The following CDH12 variants were observed in gnomAD, a reference collection of about 807,000 sequenced individuals.
CDH12 encodes cadherin-12.
Under a neutral mutation model 74.1 loss-of-function variants are expected in CDH12, and 41 were observed. The observed-to-expected ratio is 0.55, with a 90% confidence interval of 0.43 to 0.72. CDH12 has a LOEUF of 0.72. Among genes scored for constraint, CDH12 ranks in the 30% least tolerant of loss-of-function variants. The probability of loss-of-function intolerance (pLI) is 0.00; values close to 1 mark genes in which losing one functional copy is unlikely to be tolerated. For missense variants in CDH12, 945 were observed against 977.2 expected (o/e 0.97, Z 0.44); for synonymous variants, 399 against 355.0 (o/e 1.12, Z -1.39).
chr5:21,762,942 AT>A (rs757592323), intron 12 of CDH12, among the ~76,000 whole-genome samples: 5 of 150,088 alleles, frequency 3.3e-5, no homozygotes, highest in Non-Finnish European at 1.5e-5. Context: ...AACTTGAGGA[AT>A]TTTGGTAAAC....
At chr5:21,940,745 G>T (rs1336854716) in intron 6 of CDH12, among the ~76,000 whole-genome samples, 4 of 151,990 alleles carry the variant, frequency 2.6e-5, no homozygotes, top group Non-Finnish European at 5.9e-5. Context: ...GCTTCATGTA[G>T]TTAAACTTGT....
chr5:22,142,336 T>C, intron 4 of CDH12: 1 of 386,432 alleles, frequency 2.6e-6, no homozygotes, highest in Non-Finnish European at 4.8e-6. Flanking sequence ...CCTCATTGTC[T>C]AGGGAGGAAC....
intron 3 of CDH12, among the ~76,000 whole-genome samples, chr5:22,288,599 G>A (rs546945153): frequency 6.6e-5 from 10 of 152,254 alleles, no homozygotes; most frequent in Middle Eastern, 6.8e-3. Flanking sequence ...TAATCTATGT[G>A]AGCTGCCTTT....
rs1416533835 is a variant in CDH12 at position 22,675,426 on chromosome 5, G to T, written c.-522-170062C>A. Reference sequence around the variant, plus strand: ...TGTATGGAAATGCCTGAATGCCCAAGAAGACATTTGCTGCAGGGCTGGGGC... The same window carrying T: ...TGTATGGAAATGCCTGAATGCCCAATAAGACATTTGCTGCAGGGCTGGGGC... On this transcript the variant is annotated intron_variant, in intron 1 of 14. Coordinates refer to ENST00000382254, the MANE Select transcript of CDH12 (RefSeq NM_004061.5). Among the ~76,000 whole-genome samples the T allele has an allele frequency of 2.6e-5, 4 of 152,198 alleles. No individual in the cohort carries two copies. In the East Asian group the frequency reaches 7.7e-4, roughly 29 times the overall value.
intron 1 of CDH12, among the ~76,000 whole-genome samples, chr5:22,665,211 C>T (rs1740551083): frequency 6.6e-6 from 1 of 152,120 alleles, no homozygotes; most frequent in South Asian, 2.1e-4. Flanking sequence ...TTCCCATCAC[C>T]ATCTTCTACC....
intron 2 of CDH12, among the ~76,000 whole-genome samples, chr5:22,504,879 G>A (rs1036184758): frequency 9.2e-5 from 14 of 151,808 alleles, no homozygotes; most frequent in African/African-American, 2.2e-4. Context: ...AATAATACCC[G>A]CTAATTATGA....
At chr5:22,228,734 T>A (rs980255895) in intron 3 of CDH12, among the ~76,000 whole-genome samples, 10 of 151,974 alleles carry the variant, frequency 6.6e-5, no homozygotes, top group African/African-American at 2.4e-4. Context: ...AAAGCATAAA[T>A]CCCTTAATCA....
rs150636727 is a variant in CDH12 at position 22,065,372 on chromosome 5, C to A, written c.231+13074G>T. On this transcript the variant is annotated intron_variant, in intron 5 of 14. Coordinates refer to ENST00000382254, the MANE Select transcript of CDH12 (RefSeq NM_004061.5). The stretch of plus-strand genomic sequence containing the variant: ...CAGAAGAAACACAAAGTTAGATTGG[C>A]GGAATTTATTGGTAGGGCTCAATAA... Among the ~76,000 whole-genome samples, 16 of 152,164 alleles carry A rather than the reference C, an allele frequency of 1.1e-4. No individual in the cohort carries two copies. In the East Asian group the frequency reaches 3.1e-3, roughly 29 times the overall value.
chr5:22,643,428 G>A (rs1462786982), intron 1 of CDH12, among the ~76,000 whole-genome samples: 1 of 152,026 alleles, frequency 6.6e-6, no homozygotes, highest in Admixed American at 6.6e-5. Flanking sequence ...CTCATATGAA[G>A]GGAAAATAGA....
chr5:22,345,150 T>A (rs1004444914), intron 3 of CDH12, among the ~76,000 whole-genome samples: 6 of 152,214 alleles, frequency 3.9e-5, no homozygotes, highest in Admixed American at 3.3e-4. Context: ...GGTGTTCCTA[T>A]TCTGACAATT....
At chr5:22,290,659 C>G (rs1737345505) in intron 3 of CDH12, among the ~76,000 whole-genome samples, 1 of 151,888 alleles carries the variant, frequency 6.6e-6, no homozygotes, top group Admixed American at 6.6e-5. Context: ...TGGGACAGCA[C>G]CAAAAGAGCA....
intron 3 of CDH12, among the ~76,000 whole-genome samples, chr5:22,241,131 T>C (rs1025801110): frequency 1.3e-5 from 2 of 152,150 alleles, no homozygotes; most frequent in East Asian, 3.9e-4. Context: ...TTTCTTATTA[T>C]AGGCTGTGAT....
intron 1 of CDH12, among the ~76,000 whole-genome samples, chr5:22,560,498 C>T (rs1738995502): frequency 6.6e-6 from 1 of 151,964 alleles, no homozygotes; most frequent in Admixed American, 6.6e-5. Context: ...ACAGTTTTCT[C>T]CTACTCACCA....
At chr5:22,704,609 G>T (rs1454090199) in intron 1 of CDH12, among the ~76,000 whole-genome samples, 1 of 152,034 alleles carries the variant, frequency 6.6e-6, no homozygotes, top group Admixed American at 6.6e-5. Context: ...ATATTTACAA[G>T]AAGTAATAAT....
At chr5:22,076,440 T>C (rs1742320965) in intron 5 of CDH12, among the ~76,000 whole-genome samples, 1 of 152,144 alleles carries the variant, frequency 6.6e-6, no homozygotes, top group African/African-American at 2.4e-5. Flanking sequence ...ATTCTGGAAA[T>C]TGAGGTCTAT....
chr5:22,282,197 A>T (rs1736919266), intron 3 of CDH12, among the ~76,000 whole-genome samples: 1 of 152,222 alleles, frequency 6.6e-6, no homozygotes. Context: ...CATATGCAGA[A>T]AAATGAAACT....
intron 4 of CDH12, among the ~76,000 whole-genome samples, chr5:22,119,768 G>T (rs1329470323): frequency 6.6e-6 from 1 of 151,950 alleles, no homozygotes; most frequent in African/African-American, 2.4e-5. Context: ...ATTTGCATGA[G>T]AAAGAAAAAA....
Position 21,760,726 on chromosome 5 carries a change from A to G in CDH12, c.1516-51T>C, listed in dbSNP as rs200240638. ...GGTCATCAGTTTCAAAGAGGACTTT[A>G]CACAGCAGGCTACTAAATGTATTTA... On this transcript the variant is annotated intron_variant, in intron 12 of 14. Coordinates refer to ENST00000382254, the MANE Select transcript of CDH12 (RefSeq NM_004061.5). The G allele has an allele frequency of 8.3e-4, 871 of 1,046,490 alleles. 5 individuals carry two copies. Among genetic ancestry groups the G allele is most frequent in the Non-Finnish European group, 1.2e-3 (820 of 664,560 alleles). 64.8% of individuals were successfully genotyped at this position (1,046,490 alleles called of 1,614,324 possible). A position where few individuals can be genotyped will look rare whatever the true frequency, so the allele number is the denominator to read the frequency against.
chr5:21,777,258 A>C (rs185738089), intron 11 of CDH12, among the ~76,000 whole-genome samples: 1 of 152,282 alleles, frequency 6.6e-6, no homozygotes, highest in Admixed American at 6.5e-5. Flanking sequence ...TTGAGCATAG[A>C]TAGAAATCTA....
Sources: gnomAD v4.1 joint callset for allele counts (sites outside exome capture counted in the v4.1 genomes callset) on GRCh38, gnomAD v4.1.1 for gene constraint, MANE v1.5 for transcripts, NCBI Gene and HGNC (gene_info 2026-07-23, HGNC 2026-07-21) for gene names.